BAZ2B: variants seen among roughly 807,000 people sequenced by gnomAD.
The protein encoded by BAZ2B is bromodomain adjacent to zinc finger domain 2B.
Under a neutral mutation model 246.0 loss-of-function variants are expected in BAZ2B, and 91 were observed. That is an observed-to-expected ratio of 0.37 (90% CI 0.31 to 0.44). The LOEUF (loss-of-function observed/expected upper bound fraction) is 0.44. Ranked by LOEUF, BAZ2B falls within the 20% of genes least tolerant of loss-of-function variation. The pLI, the probability that BAZ2B is intolerant of heterozygous loss-of-function variation, is 1.00. For synonymous variants in BAZ2B, 855 were observed against 860.0 expected (o/e 0.99, Z 0.10); for missense variants, 2,332 against 2,533.7 (o/e 0.92, Z 1.71).
At chr2:159,332,202 T>C (rs1389827157) in intron 34 of BAZ2B, among the ~76,000 whole-genome samples, 1 of 152,052 alleles carries the variant, frequency 6.6e-6, no homozygotes, top group Non-Finnish European at 1.5e-5. Context: ...TAAAAAGTTG[T>C]TTGGAGCCAG....
At chr2:159,618,975 CA>C (rs1401430243), upstream of BAZ2B, among the ~76,000 whole-genome samples, 3 of 151,764 alleles carry the variant, frequency 2.0e-5, no homozygotes, top group African/African-American at 7.3e-5. Flanking sequence ...ACTGGTTTCC[CA>C]AACAATGGTT....
intron 25 of BAZ2B, among the ~76,000 whole-genome samples, chr2:159,375,236 C>G (rs961269125): frequency 6.6e-6 from 1 of 151,964 alleles, no homozygotes; most frequent in African/African-American, 2.4e-5. Context: ...CACACACACA[C>G]AATAAACTCC....
intron 26 of BAZ2B, 110 bp from the exon 27 acceptor site, chr2:159,373,299 C>A: frequency 2.0e-6 from 2 of 985,152 alleles, no homozygotes; most frequent in Non-Finnish European, 1.4e-6. Flanking sequence ...AATTTCACTA[C>A]TGGGAAAAGA....
At chr2:159,566,979 C>T (rs183902647) in intron 1 of BAZ2B, among the ~76,000 whole-genome samples, 1 of 152,246 alleles carries the variant, frequency 6.6e-6, no homozygotes, top group Non-Finnish European at 1.5e-5. Flanking sequence ...CGTGGTGGCT[C>T]ACACCTATAA....
intron 2 of BAZ2B, among the ~76,000 whole-genome samples, chr2:159,519,202 T>TCTA (rs2083767833): frequency 7.6e-6 from 1 of 131,444 alleles, no homozygotes; most frequent in African/African-American, 2.8e-5. Context: ...AACTTCATAT[T>TCTA]CTATTTTCTT....
intron 1 of BAZ2B, among the ~76,000 whole-genome samples, chr2:159,581,210 C>A (rs1237127161): frequency 2.0e-5 from 3 of 151,744 alleles, no homozygotes; most frequent in Admixed American, 1.3e-4. Context: ...AGAACTTAAA[C>A]AAATTTACAA....
the BAZ2B span, among the ~76,000 whole-genome samples, chr2:159,679,454 T>C: frequency 3.3e-5 from 5 of 152,134 alleles, no homozygotes; most frequent in South Asian, 4.1e-4. Context: ...GTTTATATAT[T>C]CATCCATGGA....
At chr2:159,316,689 CAAAAAAAAAAAAAA>C (rs765748671), downstream of BAZ2B, among the ~76,000 whole-genome samples, 4 of 36,244 alleles carry the variant, frequency 1.1e-4, no homozygotes, top group Non-Finnish European at 1.4e-4. Flanking sequence ...GACTCCATCT[CAAAAAAAAAAAAAA>C]AAAAAAAAAA....
intron 31 of BAZ2B, among the ~76,000 whole-genome samples, chr2:159,341,353 CACTCAATA>C (rs2066679479): frequency 6.6e-6 from 1 of 152,116 alleles, no homozygotes; most frequent in African/African-American, 2.4e-5. Flanking sequence ...AATATATATG[CACTCAATA>C]ACAGAGCACT....
intron 2 of BAZ2B, among the ~76,000 whole-genome samples, chr2:159,535,893 C>T (rs2085917947): frequency 6.6e-6 from 1 of 152,190 alleles, no homozygotes; most frequent in African/African-American, 2.4e-5. Context: ...CTAAACATAT[C>T]TGTGTGGCAA....
intron 20 of BAZ2B, among the ~76,000 whole-genome samples, chr2:159,394,462 TCAATAGGC>T (rs937917335): frequency 2.5e-4 from 38 of 152,232 alleles, no homozygotes; most frequent in African/African-American, 9.1e-4. Context: ...ATAGAGGGTG[TCAATAGGC>T]CTGGGTAATC....
At chr2:159,680,100 T>G in the BAZ2B span, among the ~76,000 whole-genome samples, 1 of 152,190 alleles carries the variant, frequency 6.6e-6, no homozygotes, top group African/African-American at 2.4e-5. Context: ...GTGTGATGTT[T>G]TACAAGACTG....
intron 2 of BAZ2B, among the ~76,000 whole-genome samples, chr2:159,542,246 G>A (rs1362178849): frequency 2.0e-5 from 3 of 152,132 alleles, no homozygotes; most frequent in Non-Finnish European, 2.9e-5. Flanking sequence ...AAGAAAGAGA[G>A]AAAGGAGTAG....
At chr2:159,544,851 T>C (rs2087115759) in intron 2 of BAZ2B, among the ~76,000 whole-genome samples, 1 of 152,176 alleles carries the variant, frequency 6.6e-6, no homozygotes, top group African/African-American at 2.4e-5. Flanking sequence ...TAAAAGAATG[T>C]GTGTTGGAAA....
intron 3 of BAZ2B, among the ~76,000 whole-genome samples, chr2:159,476,436 C>A (rs1019452961): frequency 6.6e-6 from 1 of 151,866 alleles, no homozygotes; most frequent in Admixed American, 6.6e-5. Context: ...ATTAAAAAAA[C>A]GCATCCCTTT....
chr2:159,602,200 C>T (rs1364300730), intron 1 of BAZ2B, among the ~76,000 whole-genome samples: 1 of 152,028 alleles, frequency 6.6e-6, no homozygotes, highest in Non-Finnish European at 1.5e-5. Flanking sequence ...GTCTTCTATA[C>T]CCATATTTCT....
chr2:159,653,466 CAAAGAAAA>C, the BAZ2B span, among the ~76,000 whole-genome samples: 1 of 151,700 alleles, frequency 6.6e-6, no homozygotes, highest in Non-Finnish European at 1.5e-5. Context: ...TAGAATATAT[CAAAGAAAA>C]AGAGTTGGAA....
intron 13 of BAZ2B, among the ~76,000 whole-genome samples, chr2:159,427,499 A>G (rs890284742): frequency 6.6e-6 from 1 of 152,178 alleles, no homozygotes; most frequent in Non-Finnish European, 1.5e-5. Flanking sequence ...TGCATCATAT[A>G]GCGTGGCATA....
intron 1 of BAZ2B, among the ~76,000 whole-genome samples, chr2:159,605,052 C>A (rs893399468): frequency 6.6e-6 from 1 of 151,514 alleles, no homozygotes; most frequent in African/African-American, 2.4e-5. Flanking sequence ...GAGAGAGAGA[C>A]AGAGACAGGA....
Sources: allele counts gnomAD v4.1 joint callset (sites outside exome capture counted in the v4.1 genomes callset), GRCh38; gene constraint gnomAD v4.1.1; transcripts MANE v1.5; gene names NCBI Gene and HGNC (gene_info 2026-07-23, HGNC 2026-07-21).